The following EFHB variants were observed in gnomAD, a reference collection of about 807,000 sequenced individuals.
The protein encoded by EFHB is EF-hand domain family member B.
Under a neutral mutation model 87.2 loss-of-function variants are expected in EFHB, and 91 were observed. The ratio of observed to expected loss-of-function variants is 1.04; its 90% confidence interval spans 0.88 to 1.24. The LOEUF (loss-of-function observed/expected upper bound fraction) is 1.24, where lower values mean the gene tolerates loss of function less well. Among genes scored for constraint, EFHB ranks in the 50% most tolerant of loss-of-function variants. The pLI, the probability that EFHB is intolerant of heterozygous loss-of-function variation, is 0.00. For synonymous variants in EFHB, 325 were observed against 333.6 expected (o/e 0.97, Z 0.28); for missense variants, 1,084 against 998.8 (o/e 1.09, Z -1.15).
chr3:19,890,877 G>A (rs887818531), intron 9 of EFHB, among the ~76,000 whole-genome samples: 1 of 152,110 alleles, frequency 6.6e-6, no homozygotes, highest in African/African-American at 2.4e-5. Context: ...TGGACCCATG[G>A]AGGCCTTCTG....
chr3:19,912,262 G>A (rs1476128378), intron 5 of EFHB, among the ~76,000 whole-genome samples: 2 of 152,138 alleles, frequency 1.3e-5, no homozygotes, highest in Non-Finnish European at 2.9e-5. Context: ...CTTTTCAGTG[G>A]AAACTTTACA....
intron 6 of EFHB, among the ~76,000 whole-genome samples, chr3:19,903,752 T>C (rs1380446207): frequency 6.6e-6 from 1 of 152,114 alleles, no homozygotes; most frequent in African/African-American, 2.4e-5. Flanking sequence ...ATGGAAATCA[T>C]TTTTGAAGCC....
intron 5 of EFHB, among the ~76,000 whole-genome samples, chr3:19,908,623 A>G (rs1470761825): frequency 6.6e-6 from 1 of 151,008 alleles, no homozygotes; most frequent in African/African-American, 2.4e-5. Flanking sequence ...AAAGAAAGAA[A>G]GAAAGAAAGA....
intron 12 of EFHB, 69 bp from the exon 13 acceptor site, chr3:19,879,873 T>C: frequency 7.0e-7 from 1 of 1,435,390 alleles, no homozygotes; most frequent in Non-Finnish European, 9.3e-7. Flanking sequence ...AATATCTTTA[T>C]AACATCTAAG....
At chr3:19,901,864 C>T (rs1027502078) in intron 6 of EFHB, among the ~76,000 whole-genome samples, 2 of 151,600 alleles carry the variant, frequency 1.3e-5, no homozygotes, top group African/African-American at 2.4e-5. Flanking sequence ...GCAGGAGAAT[C>T]GCTTGAACCC....
At chr3:19,899,645 C>A in intron 6 of EFHB, 130 bp from the exon 7 acceptor site, 1 of 533,232 alleles carries the variant, frequency 1.9e-6, no homozygotes, top group Non-Finnish European at 3.1e-6. Context: ...AAAAGAAACT[C>A]TCTGCTAAAA....
chr3:19,936,351 T>C (rs1322035689), upstream of EFHB: 2 of 404,416 alleles, frequency 4.9e-6, no homozygotes, highest in Non-Finnish European at 8.8e-6. Flanking sequence ...AAAAAAAAAG[T>C]CCAGGAGTTC....
chr3:19,915,313 A>G lies in EFHB; in HGVS notation c.1278T>C (p.Asp426=). 2 of 1,610,680 alleles carry G rather than the reference A, an allele frequency of 1.2e-6. No individual in the cohort carries two copies. Among genetic ancestry groups the G allele is most frequent in the Admixed American group, 1.7e-5 (1 of 59,864 alleles). Residue 426 remains aspartate (D), a synonymous_variant, in exon 5 of 13, where the codon GAT becomes GAC. Transcript: ENST00000295824. ...GHDLYVVSHN[D]YYAGEAKNRK... ...TCGGAGGACACTTACCTGCATAATAATCATTGTGAGAAACAACATACAAAT... is the reference window on the plus strand; with the variant it reads ...TCGGAGGACACTTACCTGCATAATAGTCATTGTGAGAAACAACATACAAAT...
chr3:19,896,810 CG>C lies in EFHB; in HGVS notation c.1601del (p.Pro534ArgfsTer14). 6.2e-7 allele frequency: 1 copy of C among 1,613,716 alleles called. No individual in the cohort carries two copies. Among genetic ancestry groups the C allele is most frequent in the Non-Finnish European group, 8.5e-7 (1 of 1,179,820 alleles). Reference sequence around the variant, plus strand: ...TATCCTTGCCTCGAAGATATTCATCCGGAAGTCTATTATGGATGAGATCACC... The same window carrying C: ...TATCCTTGCCTCGAAGATATTCATCCGAAGTCTATTATGGATGAGATCACC... ...GVGDLIHNRLPDEYLRGKDRQ... is the reference protein window; with the variant it reads ...GVGDLIHNRLXDEYLRGKDRQ... On this transcript the variant is annotated frameshift_variant, in exon 9 of 13. Coordinates refer to ENST00000295824, the MANE Select transcript of EFHB (RefSeq NM_144715.4). LOFTEE classifies it high-confidence loss of function.
At chr3:19,916,945 CAT>C (rs1338746256) in intron 4 of EFHB, among the ~76,000 whole-genome samples, 1 of 152,118 alleles carries the variant, frequency 6.6e-6, no homozygotes, top group Non-Finnish European at 1.5e-5. Flanking sequence ...CAGATATATA[CAT>C]TTTTTGAAAC....
At chr3:19,930,985 T>A (rs1695810522) in intron 1 of EFHB, among the ~76,000 whole-genome samples, 1 of 151,882 alleles carries the variant, frequency 6.6e-6, no homozygotes, top group African/African-American at 2.4e-5. Flanking sequence ...ATACAAAAAT[T>A]AAATTTAGAA....
chr3:19,904,831 T>C (rs938687213), intron 6 of EFHB, among the ~76,000 whole-genome samples: 4 of 152,140 alleles, frequency 2.6e-5, no homozygotes, highest in Non-Finnish European at 5.9e-5. Context: ...GGCACCAGTA[T>C]TTACAACGTT....
chr3:19,890,135 G>C (rs1694255324), intron 9 of EFHB, among the ~76,000 whole-genome samples: 1 of 152,168 alleles, frequency 6.6e-6, no homozygotes, highest in Non-Finnish European at 1.5e-5. Context: ...CTAATATGCA[G>C]GGCTTTGTGT....
chr3:19,897,390 C>T (rs900256319), intron 8 of EFHB, among the ~76,000 whole-genome samples: 3 of 152,194 alleles, frequency 2.0e-5, no homozygotes, highest in South Asian at 2.1e-4. Context: ...CCTCCCTTCA[C>T]GGCTCCATTA....
chr3:19,917,134 G>C (rs1318072246), intron 4 of EFHB, among the ~76,000 whole-genome samples: 2 of 151,764 alleles, frequency 1.3e-5, no homozygotes, highest in Non-Finnish European at 2.9e-5. Context: ...AGTCTGGGAG[G>C]CCAAGGTGGG....
At chr3:19,899,081 A>G (rs1423968517) in intron 7 of EFHB, among the ~76,000 whole-genome samples, 2 of 152,242 alleles carry the variant, frequency 1.3e-5, no homozygotes, top group Non-Finnish European at 2.9e-5. Flanking sequence ...CAGAACACAC[A>G]GAACACATTC....
Position 19,920,583 on chromosome 3 carries a change from A to T in EFHB, c.790-16T>A. 2 of 1,588,798 alleles carry T rather than the reference A, an allele frequency of 1.3e-6. No homozygotes were observed. The highest frequency in any genetic ancestry group is 1.7e-6 in the Non-Finnish European group (2 of 1,170,242). On this transcript the variant is annotated splice_polypyrimidine_tract_variant and intron_variant, in intron 1 of 12. Transcript: ENST00000295824. Reference sequence around the variant, plus strand: ...CTTTTCCTGCCTTTGGGGGAAAAAAATGGGTTGATCATTGCCAGGGTGGAA... The same window carrying T: ...CTTTTCCTGCCTTTGGGGGAAAAAATTGGGTTGATCATTGCCAGGGTGGAA...
chr3:19,924,974 A>C (rs890567528), intron 1 of EFHB, among the ~76,000 whole-genome samples: 3 of 152,160 alleles, frequency 2.0e-5, no homozygotes, highest in African/African-American at 7.2e-5. Flanking sequence ...GGCCGGGCGC[A>C]GTGGCTCACA....
chr3:19,934,295 ATTC>A (rs1467547269), upstream of EFHB: 37 of 1,315,242 alleles, frequency 2.8e-5, 1 homozygote, highest in South Asian at 6.7e-4. Flanking sequence ...CCCATCTCTC[ATTC>A]TTCTCTCTCT....
Sources: allele counts gnomAD v4.1 joint callset (sites outside exome capture counted in the v4.1 genomes callset), GRCh38; gene constraint gnomAD v4.1.1; transcripts MANE v1.5; gene names NCBI Gene and HGNC (gene_info 2026-07-23, HGNC 2026-07-21).